The following VDAC1 variants were observed in gnomAD, a reference collection of about 807,000 sequenced individuals.
VDAC1 encodes voltage dependent anion channel 1.
Under a neutral mutation model 34.7 loss-of-function variants are expected in VDAC1, and 10 were observed. The observed-to-expected ratio is 0.29, with a 90% CI of 0.18 to 0.49. VDAC1 has a LOEUF of 0.49. VDAC1 is among the 20% of genes least tolerant of loss of function. VDAC1 has a pLI of 0.99. For synonymous variants in VDAC1, 130 were observed against 136.0 expected (o/e 0.96, Z 0.30); for missense variants, 230 against 347.9 (o/e 0.66, Z 2.69).
At chr5:134,044,669 G>A in the VDAC1 span, among the ~76,000 whole-genome samples, 55 of 152,278 alleles carry the variant, frequency 3.6e-4, 1 homozygote, top group East Asian at 6.4e-3. Flanking sequence ...GTGTGCGCGC[G>A]CGCACAGGTA....
upstream of VDAC1, among the ~76,000 whole-genome samples, chr5:134,005,988 C>G (rs1032320025): frequency 2.0e-5 from 3 of 152,164 alleles, no homozygotes; most frequent in African/African-American, 7.2e-5. Context: ...GCAATCAGGA[C>G]TGGCTGCTGG....
chr5:134,067,660 G>C, the VDAC1 span, among the ~76,000 whole-genome samples: 14 of 148,374 alleles, frequency 9.4e-5, no homozygotes, highest in East Asian at 2.8e-3. Context: ...GCGGTGAGGG[G>C]GAGGGGGAGG....
At chr5:134,061,126 A>G in the VDAC1 span, among the ~76,000 whole-genome samples, 1 of 149,610 alleles carries the variant, frequency 6.7e-6, no homozygotes. Context: ...CGGCCTCCCA[A>G]AGTGCTGGGA....
At chr5:133,988,577 A>G (rs894226416) in intron 5 of VDAC1, among the ~76,000 whole-genome samples, 2 of 152,096 alleles carry the variant, frequency 1.3e-5, no homozygotes, top group African/African-American at 4.8e-5. Flanking sequence ...AGCCTGGCCA[A>G]TACGGTGAAA....
At chr5:134,016,041 G>A in the VDAC1 span, among the ~76,000 whole-genome samples, 2 of 152,258 alleles carry the variant, frequency 1.3e-5, no homozygotes, top group Admixed American at 6.5e-5. Context: ...TGCCCATCTC[G>A]GCTTTCCAAA....
chr5:134,037,751 G>A, the VDAC1 span, among the ~76,000 whole-genome samples: 7 of 152,264 alleles, frequency 4.6e-5, no homozygotes, highest in South Asian at 1.4e-3. Flanking sequence ...GGTCTTAAGC[G>A]TGAGCTCCCC....
At chr5:134,074,621 C>T in the VDAC1 span, among the ~76,000 whole-genome samples, 1 of 152,186 alleles carries the variant, frequency 6.6e-6, no homozygotes, top group East Asian at 1.9e-4. Context: ...ATGAGGTACC[C>T]GTGGCAGCCT....
chr5:133,995,130 C>A (rs1753249439), intron 1 of VDAC1, among the ~76,000 whole-genome samples: 1 of 152,164 alleles, frequency 6.6e-6, no homozygotes, highest in South Asian at 2.1e-4. Flanking sequence ...AAACATCAGC[C>A]TGAAGTACAA....
At chr5:133,996,409 C>T (rs886578856) in intron 1 of VDAC1, among the ~76,000 whole-genome samples, 5 of 152,164 alleles carry the variant, frequency 3.3e-5, no homozygotes, top group Admixed American at 2.6e-4. Flanking sequence ...AAATCCGGCC[C>T]ATACTGGAAG....
At chr5:134,014,847 CAG>C in the VDAC1 span, among the ~76,000 whole-genome samples, 1 of 152,122 alleles carries the variant, frequency 6.6e-6, no homozygotes, top group African/African-American at 2.4e-5. Context: ...ACTTGGGCAA[CAG>C]AGTGAGACTT....
chr5:133,988,531 G>A (rs1752984495), intron 5 of VDAC1, among the ~76,000 whole-genome samples: 1 of 152,192 alleles, frequency 6.6e-6, no homozygotes, highest in African/African-American at 2.4e-5. Flanking sequence ...TTGGGAGGCC[G>A]AGGCAGGTGG....
chr5:134,052,212 C>A, the VDAC1 span, among the ~76,000 whole-genome samples: 2 of 152,312 alleles, frequency 1.3e-5, no homozygotes, highest in Admixed American at 6.5e-5. Flanking sequence ...TGATTGACCT[C>A]ATTCTCTTTT....
At chr5:134,092,322 C>A in the VDAC1 span, among the ~76,000 whole-genome samples, 1 of 152,204 alleles carries the variant, frequency 6.6e-6, no homozygotes, top group Non-Finnish European at 1.5e-5. Context: ...GAACATCTCA[C>A]TTCAAAACAA....
At chr5:134,001,501 G>A (rs900993241) in intron 1 of VDAC1, among the ~76,000 whole-genome samples, 1 of 152,046 alleles carries the variant, frequency 6.6e-6, no homozygotes. Context: ...TGGATCAGGA[G>A]GTCAGGAGTT....
intron 1 of VDAC1, chr5:134,004,537 CG>C: frequency 6.5e-6 from 1 of 152,706 alleles, no homozygotes; most frequent in Non-Finnish European, 1.5e-5. Context: ...GCCGGGCTGC[CG>C]GGGCCCCTCG....
At chr5:134,064,602 T>C in the VDAC1 span, among the ~76,000 whole-genome samples, 1 of 151,904 alleles carries the variant, frequency 6.6e-6, no homozygotes, top group Non-Finnish European at 1.5e-5. Flanking sequence ...CTGGGCCTGG[T>C]CTGATTATTG....
At chr5:134,104,841 A>G in the VDAC1 span, among the ~76,000 whole-genome samples, 1 of 152,214 alleles carries the variant, frequency 6.6e-6, no homozygotes, top group South Asian at 2.1e-4. Flanking sequence ...ATATACTTTC[A>G]CCACTCACAA....
chr5:134,108,570 T>C, the VDAC1 span, among the ~76,000 whole-genome samples: 1 of 152,238 alleles, frequency 6.6e-6, no homozygotes, highest in South Asian at 2.1e-4. Flanking sequence ...TGAGCTTTCC[T>C]CGGGGCACTG....
chr5:134,091,840 A>AC, the VDAC1 span, among the ~76,000 whole-genome samples: 132 of 152,334 alleles, frequency 8.7e-4, no homozygotes, highest in South Asian at 5.8e-3. Context: ...CAGATTAGTG[A>AC]CAGAGCCAGA....
Sources: gnomAD v4.1 joint callset for allele counts (sites outside exome capture counted in the v4.1 genomes callset) on GRCh38, gnomAD v4.1.1 for gene constraint, MANE v1.5 for transcripts, NCBI Gene and HGNC (gene_info 2026-07-23, HGNC 2026-07-21) for gene names.